SRD5A2: variants seen among roughly 807,000 people sequenced by gnomAD.
The protein encoded by SRD5A2 is steroid 5 alpha-reductase 2, also known as 3-oxo-5-alpha-steroid 4-dehydrogenase 2.
In SRD5A2, 30 loss-of-function variants were observed where a neutral mutation model predicts 27.4. That is an observed-to-expected ratio of 1.10 (90% confidence interval 0.82 to 1.49). The LOEUF (loss-of-function observed/expected upper bound fraction) is 1.49. Among genes scored for constraint, SRD5A2 ranks in the 40% most tolerant of loss-of-function variants. SRD5A2 has a pLI of 0.00. For missense variants in SRD5A2, 348 were observed against 323.4 expected (o/e 1.08, Z -0.58); for synonymous variants, 141 against 133.6 (o/e 1.06, Z -0.38).
the SRD5A2 span, among the ~76,000 whole-genome samples, chr2:31,643,547 C>T: frequency 1.3e-5 from 2 of 151,926 alleles, no homozygotes; most frequent in Non-Finnish European, 2.9e-5. Context: ...AATGTGCATA[C>T]GTAGTACCTA....
chr2:31,636,549 T>A, the SRD5A2 span, among the ~76,000 whole-genome samples: 73 of 152,280 alleles, frequency 4.8e-4, no homozygotes, highest in African/African-American at 1.7e-3. Context: ...CATCCTTGTC[T>A]TGTTCCAGTC....
chr2:31,620,574 G>T, the SRD5A2 span, among the ~76,000 whole-genome samples: 1 of 151,556 alleles, frequency 6.6e-6, no homozygotes, highest in Non-Finnish European at 1.5e-5. Context: ...GCTTTATTGT[G>T]GTGGTCTGGA....
the SRD5A2 span, among the ~76,000 whole-genome samples, chr2:31,593,854 A>G: frequency 1.3e-5 from 2 of 152,258 alleles, no homozygotes; most frequent in Non-Finnish European, 2.9e-5. Context: ...TGATAAGCAG[A>G]AACTCTGCAA....
intron 1 of SRD5A2, among the ~76,000 whole-genome samples, chr2:31,555,625 A>G (rs1165270602): frequency 1.3e-5 from 2 of 152,146 alleles, no homozygotes; most frequent in Non-Finnish European, 2.9e-5. Context: ...TCCTGATAGT[A>G]TCTTTGGAAC....
At chr2:31,617,627 A>C in the SRD5A2 span, among the ~76,000 whole-genome samples, 2 of 152,142 alleles carry the variant, frequency 1.3e-5, no homozygotes, top group Non-Finnish European at 2.9e-5. Context: ...GGATGCCCTA[A>C]ATCATCTCTC....
the SRD5A2 span, among the ~76,000 whole-genome samples, chr2:31,613,792 T>C: frequency 1.3e-5 from 2 of 151,890 alleles, no homozygotes; most frequent in South Asian, 2.1e-4. Context: ...ACAATCACAG[T>C]GGAGGGCAAA....
At chr2:31,588,175 G>C in the SRD5A2 span, among the ~76,000 whole-genome samples, 1 of 152,152 alleles carries the variant, frequency 6.6e-6, no homozygotes, top group Non-Finnish European at 1.5e-5. Flanking sequence ...AGGACATAGA[G>C]AAAGAGAGAG....
At chr2:31,659,757 C>A in the SRD5A2 span, among the ~76,000 whole-genome samples, 2 of 152,030 alleles carry the variant, frequency 1.3e-5, no homozygotes, top group Non-Finnish European at 2.9e-5. Context: ...GCCATACTAC[C>A]CAAAGTAATT....
At chr2:31,579,307 G>A (rs908944940) in intron 1 of SRD5A2, among the ~76,000 whole-genome samples, 1 of 152,228 alleles carries the variant, frequency 6.6e-6, no homozygotes, top group Non-Finnish European at 1.5e-5. Flanking sequence ...ATCCGTCTCT[G>A]ACACCTTCTT....
chr2:31,643,341 C>CAAATA, the SRD5A2 span, among the ~76,000 whole-genome samples: 1 of 151,490 alleles, frequency 6.6e-6, no homozygotes, highest in Non-Finnish European at 1.5e-5. Flanking sequence ...AAAGAAATTA[C>CAAATA]AAATATGGAA....
At chr2:31,575,752 AT>A (rs1416925930) in intron 1 of SRD5A2, among the ~76,000 whole-genome samples, 3 of 152,246 alleles carry the variant, frequency 2.0e-5, no homozygotes, top group Admixed American at 2.0e-4. Context: ...TGGAAATTAC[AT>A]TGCCCAAAAC....
chr2:31,544,644 A>G (rs1242990758), intron 1 of SRD5A2, among the ~76,000 whole-genome samples: 1 of 151,902 alleles, frequency 6.6e-6, no homozygotes, highest in African/African-American at 2.4e-5. Context: ...CAACTTAAGG[A>G]GCTAGAAAAG....
At chr2:31,542,508 C>CAATA (rs927686209) in intron 1 of SRD5A2, among the ~76,000 whole-genome samples, 23 of 150,566 alleles carry the variant, frequency 1.5e-4, no homozygotes, top group African/African-American at 2.9e-4. Flanking sequence ...GAACCTGTCT[C>CAATA]AATAAATAAA....
At chr2:31,546,767 T>C (rs1479049748) in intron 1 of SRD5A2, among the ~76,000 whole-genome samples, 1 of 152,098 alleles carries the variant, frequency 6.6e-6, no homozygotes, top group African/African-American at 2.4e-5. Context: ...AATAAACCTG[T>C]ACATGTGCCC....
At chr2:31,633,583 GC>G in the SRD5A2 span, among the ~76,000 whole-genome samples, 132 of 152,228 alleles carry the variant, frequency 8.7e-4, no homozygotes, top group African/African-American at 3.1e-3. Flanking sequence ...CCCTGGACCG[GC>G]CTGCTATTCC....
At chr2:31,600,645 C>T in the SRD5A2 span, among the ~76,000 whole-genome samples, 2 of 151,606 alleles carry the variant, frequency 1.3e-5, no homozygotes, top group Admixed American at 6.6e-5. Context: ...TAAAGAACAA[C>T]TAATACCAGT....
In SRD5A2 at chr2:31,580,732, C is replaced by G. The variant is rs750444774; in HGVS notation, c.169G>C (p.Glu57Gln). The G allele has an allele frequency of 3.1e-6, 5 of 1,608,750 alleles. No homozygotes were observed. The Admixed American group carries it at 6.7e-5, about 21-fold the overall frequency. The change falls in exon 1 of 5, where the codon GAG (glutamate) becomes CAG (glutamine). Residue 57 changes from glutamate (E) to glutamine (Q), a missense_variant. By Grantham distance (29) the Glu-to-Gln change is conservative. Transcript: ENST00000622030. ...GCGGGCACCGCGAAGGAAGGCAGCT[C>G]CTGCAGGAACCAGGCGGCGCGGGCT... Reference protein sequence around the residue: ...LPARAAWFLQELPSFAVPAGI... With the variant: ...LPARAAWFLQQLPSFAVPAGI...
the SRD5A2 span, among the ~76,000 whole-genome samples, chr2:31,624,586 C>T: frequency 1.8e-4 from 28 of 152,174 alleles, no homozygotes; most frequent in Non-Finnish European, 3.4e-4. Flanking sequence ...CAATTCCCAC[C>T]TATGAGTGAG....
chr2:31,654,981 A>G, the SRD5A2 span, among the ~76,000 whole-genome samples: 2 of 152,242 alleles, frequency 1.3e-5, no homozygotes, highest in African/African-American at 4.8e-5. Flanking sequence ...CAAGTTCTGA[A>G]CCAAATTGAT....
Sources: gnomAD v4.1 joint callset for allele counts (sites outside exome capture counted in the v4.1 genomes callset) on GRCh38, gnomAD v4.1.1 for gene constraint, MANE v1.5 for transcripts, NCBI Gene and HGNC (gene_info 2026-07-23, HGNC 2026-07-21) for gene names.